NUMB: variants seen among roughly 807,000 people sequenced by gnomAD.
NUMB encodes the protein protein numb homolog.
Under a neutral mutation model 59.7 loss-of-function variants are expected in NUMB, and 29 were observed. The observed-to-expected ratio is 0.49, with a 90% confidence interval of 0.36 to 0.66. The LOEUF is 0.66. Among genes scored for constraint, NUMB ranks in the 30% least tolerant of loss-of-function variants. The pLI, the probability that NUMB is intolerant of heterozygous loss-of-function variation, is 0.00. For missense variants in NUMB, 723 were observed against 822.0 expected (o/e 0.88, Z 1.47); for synonymous variants, 288 against 288.2 (o/e 1.00, Z 0.01).
At chr14:73,450,783 C>T (rs1347947722) in intron 1 of NUMB, among the ~76,000 whole-genome samples, 1 of 149,950 alleles carries the variant, frequency 6.7e-6, no homozygotes, top group Non-Finnish European at 1.5e-5. Flanking sequence ...AGCGAGACCC[C>T]ATCTTAAAAA....
At position 73,294,950 on chromosome 14, in the gene NUMB, T is replaced by TAAAAAAAAAA. The variant is rs61179657; in HGVS notation, c.310-2086_310-2077dup. On this transcript the variant is annotated intron_variant, in intron 7 of 12. Transcript: ENST00000555238. ...GGGCAACATAGTGAGAACCCATCTC[T>TAAAAAAAAAA]AAAAAAAAAAAAAAAAAAAAAATTA... 9.0e-4 allele frequency among the ~76,000 whole-genome samples: 22 copies of TAAAAAAAAAA among 24,388 alleles called. No individual in the cohort carries two copies. The East Asian group carries it at 0.058, about 64-fold the overall frequency. 16.0% of individuals were successfully genotyped at this position (24,388 alleles called of 152,430 possible). A position where few individuals can be genotyped will look rare whatever the true frequency, so the allele number is the denominator to read the frequency against.
chr14:73,436,872 G>T (rs543162845), intron 1 of NUMB, among the ~76,000 whole-genome samples: 3 of 150,966 alleles, frequency 2.0e-5, no homozygotes, highest in Non-Finnish European at 4.4e-5. Context: ...CCAGCTACTC[G>T]GGAGGCTGAG....
chr14:73,445,858 GC>G (rs1300640071), intron 1 of NUMB, among the ~76,000 whole-genome samples: 1 of 152,080 alleles, frequency 6.6e-6, no homozygotes, highest in Admixed American at 6.6e-5. Context: ...CATAAACTCA[GC>G]CCCCAATGTG....
chr14:73,391,716 G>A (rs1895862360), intron 2 of NUMB, among the ~76,000 whole-genome samples: 1 of 152,162 alleles, frequency 6.6e-6, no homozygotes, highest in South Asian at 2.1e-4. Context: ...CCCCTAGATG[G>A]TGCACATTTG....
At chr14:73,446,649 T>C (rs1883534343) in intron 1 of NUMB, among the ~76,000 whole-genome samples, 1 of 150,586 alleles carries the variant, frequency 6.6e-6, no homozygotes, top group South Asian at 2.1e-4. Flanking sequence ...TGCCAAACTG[T>C]ATGGTTTCTA....
chr14:73,354,760 G>A (rs1183895608), intron 4 of NUMB, among the ~76,000 whole-genome samples: 1 of 138,266 alleles, frequency 7.2e-6, no homozygotes, highest in Non-Finnish European at 1.5e-5. Context: ...CCCAGGAGGT[G>A]GAGATTGCAG....
chr14:73,403,179 G>A (rs901364423), intron 2 of NUMB, among the ~76,000 whole-genome samples: 4 of 152,186 alleles, frequency 2.6e-5, no homozygotes, highest in Non-Finnish European at 1.5e-5. Context: ...GAATGTAGGT[G>A]GAAGGCTGGA....
chr14:73,362,344 T>G (rs1307401912), intron 3 of NUMB, among the ~76,000 whole-genome samples: 3 of 152,042 alleles, frequency 2.0e-5, no homozygotes, highest in Non-Finnish European at 2.9e-5. Flanking sequence ...TGGGAGACGA[T>G]TCCCAGTTCC....
chr14:73,431,939 C>T (rs1566794547), intron 1 of NUMB, among the ~76,000 whole-genome samples: 1 of 151,952 alleles, frequency 6.6e-6, no homozygotes, highest in African/African-American at 2.4e-5. Flanking sequence ...CAGTACTACA[C>T]CCTGCCCAAA....
At chr14:73,314,735 T>C (rs556037268) in intron 6 of NUMB, among the ~76,000 whole-genome samples, 1 of 151,980 alleles carries the variant, frequency 6.6e-6, no homozygotes, top group Admixed American at 6.6e-5. Flanking sequence ...TTATCGTATA[T>C]AGCCTTATCT....
At chr14:73,431,191 G>A (rs1296028777) in intron 1 of NUMB, among the ~76,000 whole-genome samples, 3 of 151,208 alleles carry the variant, frequency 2.0e-5, no homozygotes, top group Non-Finnish European at 4.4e-5. Context: ...TCCTGACCTC[G>A]TGATCCACCC....
rs758179903 is a variant in NUMB, at chr14:73,277,144, G to A, written c.1390C>T (p.Gln464Ter). The part of the protein sequence containing the change: ...QQPQASAAPL[Q>*]PVLQPPPPTA... Reference sequence around the variant, plus strand: ...GGTGGAGGAGGCTGGAGAACTGGCTGCAGAGGAGCAGCTGAGGCCTGGGGC... The same window carrying A: ...GGTGGAGGAGGCTGGAGAACTGGCTACAGAGGAGCAGCTGAGGCCTGGGGC... The change falls in exon 13 of 13, where the codon CAG becomes TAG. Residue 464 changes from glutamine to a stop codon, truncating the protein, a stop_gained. Coordinates refer to ENST00000555238, the MANE Select transcript of NUMB (RefSeq NM_001005743.2). LOFTEE classifies it high-confidence loss of function. 3.7e-6 allele frequency: 6 copies of A among 1,613,994 alleles called. No homozygotes were observed. Among genetic ancestry groups the A allele is most frequent in the Non-Finnish European group, 5.1e-6 (6 of 1,179,994 alleles).
chr14:73,277,304 C>A lies in NUMB; in HGVS notation c.1241-11G>T, dbSNP rs1249171271. 1.3e-6 allele frequency: 2 copies of A among 1,577,404 alleles called. No homozygotes were observed. The highest frequency in any genetic ancestry group is 1.7e-6 in the Non-Finnish European group (2 of 1,155,584). On this transcript the variant is annotated splice_polypyrimidine_tract_variant and intron_variant, in intron 12 of 12. Coordinates refer to ENST00000555238, the MANE Select transcript of NUMB (RefSeq NM_001005743.2). Reference sequence around the variant, plus strand: ...GACCCCACTCGGTCCCTGGAACCAACAAGATGAGAGACAAAAGAATCAGTT... The same window carrying A: ...GACCCCACTCGGTCCCTGGAACCAAAAAGATGAGAGACAAAAGAATCAGTT...
At chr14:73,359,870 C>G (rs182889974) in intron 3 of NUMB, among the ~76,000 whole-genome samples, 1 of 151,108 alleles carries the variant, frequency 6.6e-6, no homozygotes, top group African/African-American at 2.5e-5. Context: ...CTCTTTTTCC[C>G]TCACCCCCGA....
intron 8 of NUMB, among the ~76,000 whole-genome samples, chr14:73,291,414 T>G (rs1889392882): frequency 6.6e-6 from 1 of 151,846 alleles, no homozygotes; most frequent in Non-Finnish European, 1.5e-5. Flanking sequence ...GGAGTCTTAC[T>G]GTCGTCCAGG....
At chr14:73,396,913 A>G (rs900125020) in intron 2 of NUMB, among the ~76,000 whole-genome samples, 1 of 152,144 alleles carries the variant, frequency 6.6e-6, no homozygotes, top group Non-Finnish European at 1.5e-5. Context: ...ACTTGAAGTC[A>G]GGAGTTTGAG....
At position 73,285,956 on chromosome 14, in the gene NUMB, AAAC is replaced by A. The variant is rs1004364079; in HGVS notation, c.655+1151_655+1153del. Reference sequence around the variant, plus strand: ...AAAAAAAAACACCGAAATCAAACCAAAACAACAACAACAAAAATGACTAGTTTA... The same window carrying A: ...AAAAAAAAACACCGAAATCAAACCAAAACAACAACAAAAATGACTAGTTTA... On this transcript the variant is annotated intron_variant, in intron 9 of 12. Transcript: ENST00000555238. 2.4e-4 allele frequency among the ~76,000 whole-genome samples: 37 copies of A among 151,576 alleles called. No homozygotes were observed. The South Asian group carries it at 4.4e-3, about 18-fold the overall frequency.
Position 73,452,604 on chromosome 14 carries a change from TTAATTAC to T in NUMB, c.-233+5882_-233+5888del, listed in dbSNP as rs1884068072. ...GTAGAGAGGGGGAAGTCACTGAACG[TTAATTAC>T]TAATATAGCAACTCCTTGGTTAATG... On this transcript the variant is annotated intron_variant, in intron 1 of 12. Transcript: ENST00000555238. Among the ~76,000 whole-genome samples the T allele has an allele frequency of 1.3e-5, 2 of 152,158 alleles. 1 individual carries two copies. Among genetic ancestry groups the T allele is most frequent in the South Asian group, 4.1e-4 (2 of 4,828 alleles).
intron 1 of NUMB, among the ~76,000 whole-genome samples, chr14:73,431,937 C>T (rs963319797): frequency 6.6e-6 from 1 of 151,974 alleles, no homozygotes; most frequent in South Asian, 2.1e-4. Flanking sequence ...TTCAGTACTA[C>T]ACCCTGCCCA....
Sources: allele counts gnomAD v4.1 joint callset (sites outside exome capture counted in the v4.1 genomes callset), GRCh38; gene constraint gnomAD v4.1.1; transcripts MANE v1.5; gene names NCBI Gene and HGNC (gene_info 2026-07-23, HGNC 2026-07-21).